The following SPRED1 variants were observed in gnomAD, a reference collection of about 807,000 sequenced individuals.
The protein encoded by SPRED1 is sprouty related EVH1 domain containing 1.
In SPRED1, 18 loss-of-function variants were observed where a neutral mutation model predicts 52.3. The observed-to-expected ratio is 0.34, with a 90% CI of 0.24 to 0.51. The LOEUF (loss-of-function observed/expected upper bound fraction) is 0.51, where lower values mean the gene tolerates loss of function less well. SPRED1 is among the 20% of genes least tolerant of loss of function. The pLI is 0.97. For synonymous variants in SPRED1, 155 were observed against 179.7 expected, an observed-to-expected ratio of 0.86 and a Z score of 1.10; for missense variants, 485 against 551.0, an observed-to-expected ratio of 0.88 and a Z score of 1.20.
intron 2 of SPRED1, among the ~76,000 whole-genome samples, chr15:38,309,283 G>A (rs1246875752): frequency 6.6e-6 from 1 of 152,086 alleles, no homozygotes; most frequent in Non-Finnish European, 1.5e-5. Flanking sequence ...TGGGACCACA[G>A]GCATGCATCA....
chr15:38,341,859 A>G (rs1595758136), intron 5 of SPRED1, among the ~76,000 whole-genome samples: 1 of 152,058 alleles, frequency 6.6e-6, no homozygotes, highest in Non-Finnish European at 1.5e-5. Context: ...TCCTTTTGTC[A>G]TTATGAGATA....
intron 1 of SPRED1, among the ~76,000 whole-genome samples, chr15:38,273,520 A>AT (rs1894483331): frequency 1.4e-5 from 2 of 142,984 alleles, no homozygotes; most frequent in African/African-American, 5.2e-5. Context: ...ATGTATTATT[A>AT]ATATATATAT....
At chr15:38,317,488 T>A (rs1237771002) in intron 2 of SPRED1, among the ~76,000 whole-genome samples, 2 of 152,028 alleles carry the variant, frequency 1.3e-5, no homozygotes, top group Admixed American at 6.6e-5. Context: ...TGCTATTTTC[T>A]ACAGTTTGTT....
chr15:38,273,696 A>G (rs538975551), intron 1 of SPRED1, among the ~76,000 whole-genome samples: 5 of 152,122 alleles, frequency 3.3e-5, no homozygotes, highest in Non-Finnish European at 7.4e-5. Context: ...TTTGTAGCTA[A>G]ATGATAATTA....
intron 1 of SPRED1, among the ~76,000 whole-genome samples, chr15:38,257,185 A>G (rs957866550): frequency 1.3e-5 from 2 of 152,102 alleles, no homozygotes; most frequent in Non-Finnish European, 2.9e-5. Flanking sequence ...TTGCCTCTGT[A>G]CTTCGTACAT....
chr15:38,253,137 C>T lies in SPRED1; in HGVS notation c.-49C>T. The stretch of plus-strand genomic sequence containing the variant: ...CCCCTCGGTGCTGCTGTTGCTCCCC[C>T]GCCTGCTGTTGCTCCTCCATCTCCA... On this transcript the variant is annotated 5_prime_UTR_variant, in exon 1 of 7. Transcript: ENST00000299084. The T allele has an allele frequency of 1.3e-6, 2 of 1,552,826 alleles. No homozygotes were observed. Among genetic ancestry groups the T allele is most frequent in the Non-Finnish European group, 1.7e-6 (2 of 1,145,422 alleles).
intron 4 of SPRED1, among the ~76,000 whole-genome samples, chr15:38,326,790 T>C (rs933580153): frequency 6.6e-6 from 1 of 152,118 alleles, no homozygotes; most frequent in Non-Finnish European, 1.5e-5. Flanking sequence ...TTGAAAACAC[T>C]ATGCAGATGC....
rs886786043 is a variant in SPRED1 at position 38,252,913 on chromosome 15, G to C, written c.-273G>C. 3 of 562,678 alleles carry C rather than the reference G, an allele frequency of 5.3e-6. No individual in the cohort carries two copies. Among genetic ancestry groups the C allele is most frequent in the Non-Finnish European group, 9.5e-6 (3 of 314,250 alleles). 34.9% of individuals were successfully genotyped at this position (562,678 alleles called of 1,614,324 possible). On this transcript the variant is annotated 5_prime_UTR_variant, in exon 1 of 7. Transcript: ENST00000299084. Reference sequence around the variant, plus strand: ...GCCCCTCTCTTTTTCCCTTTCCACCGGGCCTCCTCGGATCCCTTGGCTGGG... The same window carrying C: ...GCCCCTCTCTTTTTCCCTTTCCACCCGGCCTCCTCGGATCCCTTGGCTGGG...
intron 2 of SPRED1, among the ~76,000 whole-genome samples, chr15:38,305,155 C>T (rs561481544): frequency 1.3e-5 from 2 of 151,686 alleles, no homozygotes; most frequent in South Asian, 4.2e-4. Flanking sequence ...ATGGTGAAAC[C>T]CCACCTCTAC....
chr15:38,279,685 C>T (rs1894645433), intron 1 of SPRED1, among the ~76,000 whole-genome samples: 1 of 152,148 alleles, frequency 6.6e-6, no homozygotes, highest in Non-Finnish European at 1.5e-5. Flanking sequence ...TAAATATAAT[C>T]CTTGTAAAGC....
chr15:38,283,660 C>T (rs556960079), intron 1 of SPRED1: 86 of 254,162 alleles, frequency 3.4e-4, no homozygotes, highest in Non-Finnish European at 5.1e-4. Context: ...ATATGAGTGG[C>T]TGTTTTCCTT....
At chr15:38,338,984 C>CT (rs1214410765) in intron 4 of SPRED1, among the ~76,000 whole-genome samples, 7 of 152,148 alleles carry the variant, frequency 4.6e-5, no homozygotes, top group African/African-American at 1.4e-4. Context: ...ATTTCAGCCA[C>CT]TTTTACTTGG....
chr15:38,279,135 C>T (rs1201585016), intron 1 of SPRED1, among the ~76,000 whole-genome samples: 1 of 152,132 alleles, frequency 6.6e-6, no homozygotes, highest in Non-Finnish European at 1.5e-5. Context: ...CTCCTAACTA[C>T]ATTTTTGATC....
Position 38,356,417 on chromosome 15 carries a change from C to G in SPRED1, c.*4753C>G, listed in dbSNP as rs1888622709. ...AGAATTTGTTTTAATGGTTTTTTTCCCTCCTGGAATTACCTGATTAAACCT... is the reference window on the plus strand; with the variant it reads ...AGAATTTGTTTTAATGGTTTTTTTCGCTCCTGGAATTACCTGATTAAACCT... On this transcript the variant is annotated 3_prime_UTR_variant, in exon 7 of 7. Coordinates refer to ENST00000299084, the MANE Select transcript of SPRED1 (RefSeq NM_152594.3). 2 of 151,802 alleles carry G rather than the reference C, an allele frequency of 1.3e-5. No homozygotes were observed. Among genetic ancestry groups the G allele is most frequent in the African/African-American group, 4.8e-5 (2 of 41,334 alleles). The allele number at this position is 151,802 out of a possible 1,614,324, so 9.4% of individuals were successfully genotyped here.
At chr15:38,336,696 A>G (rs1228090351) in intron 4 of SPRED1, among the ~76,000 whole-genome samples, 2 of 151,956 alleles carry the variant, frequency 1.3e-5, no homozygotes, top group Non-Finnish European at 2.9e-5. Context: ...ACCAAACATC[A>G]TAGGTTCTCA....
chr15:38,338,905 T>G (rs1414942394), intron 4 of SPRED1, among the ~76,000 whole-genome samples: 1 of 152,078 alleles, frequency 6.6e-6, no homozygotes, highest in Non-Finnish European at 1.5e-5. Context: ...TTATGAAAGG[T>G]TTGAACCCTT....
chr15:38,308,778 T>C (rs1259296898), intron 2 of SPRED1, among the ~76,000 whole-genome samples: 2 of 152,252 alleles, frequency 1.3e-5, no homozygotes. Flanking sequence ...AACGTTGCTG[T>C]GAACATTCAC....
chr15:38,323,058 G>A (rs1895637023), intron 3 of SPRED1, among the ~76,000 whole-genome samples: 1 of 151,870 alleles, frequency 6.6e-6, no homozygotes, highest in African/African-American at 2.4e-5. Flanking sequence ...ACTAAGACTT[G>A]ATTTTTTTTT....
chr15:38,269,394 C>T (rs969438478), intron 1 of SPRED1, among the ~76,000 whole-genome samples: 38 of 152,110 alleles, frequency 2.5e-4, no homozygotes, highest in African/African-American at 6.8e-4. Context: ...AGGTGCCTGC[C>T]GCCATGCCCA....
Sources: allele counts gnomAD v4.1 joint callset (sites outside exome capture counted in the v4.1 genomes callset), GRCh38; gene constraint gnomAD v4.1.1; transcripts MANE v1.5; gene names NCBI Gene and HGNC (gene_info 2026-07-23, HGNC 2026-07-21).